The following GALM variants were observed in gnomAD, a reference collection of about 807,000 sequenced individuals.
GALM encodes aldose 1-epimerase.
Under a neutral mutation model 37.4 loss-of-function variants are expected in GALM, and 43 were observed. The ratio of observed to expected loss-of-function variants is 1.15; its 90% confidence interval spans 0.90 to 1.48. The LOEUF is 1.48. Ranked by LOEUF, GALM falls within the 40% of genes most tolerant of loss-of-function variation. The pLI, the probability that GALM is intolerant of heterozygous loss-of-function variation, is 0.00. For missense variants in GALM, 456 were observed against 419.1 expected (o/e 1.09, Z -0.77); for synonymous variants, 199 against 170.6 (o/e 1.17, Z -1.30).
rs117574663 is a variant in GALM at position 38,722,204 on chromosome 2, T to C, written c.635-7352T>C. On this transcript the variant is annotated intron_variant, in intron 4 of 6. Transcript: ENST00000272252. ...GTGAAACCCTGTCTCTACTAAGAAG[T>C]CCGTCATGAGAATCACCCCTTTGCA... 4.7e-3 allele frequency among the ~76,000 whole-genome samples: 707 copies of C among 151,978 alleles called. 24 individuals are homozygous for C. In the East Asian group the frequency reaches 0.065, roughly 14 times the overall value.
At chr2:38,693,817 C>T (rs1665738955) in intron 4 of GALM, among the ~76,000 whole-genome samples, 1 of 152,154 alleles carries the variant, frequency 6.6e-6, no homozygotes, top group African/African-American at 2.4e-5. Context: ...GGATTCACAC[C>T]AAGGTAGTCT....
rs35932426 is a variant in GALM at position 38,730,920 on chromosome 2, C to CAAA, written c.777-804_777-802dup. Among the ~76,000 whole-genome samples, 66 of 124,542 alleles carry CAAA rather than the reference C, an allele frequency of 5.3e-4. 1 individual carries two copies. Among genetic ancestry groups the CAAA allele is most frequent in the Admixed American group, 1.4e-3 (17 of 11,948 alleles). The allele number at this position is 124,542 out of a possible 152,430, so 81.7% of individuals were successfully genotyped here. A position where few individuals can be genotyped will look rare whatever the true frequency, so the allele number is the denominator to read the frequency against. Reference sequence around the variant, plus strand: ...TAGGCAACAGAGCAAAACTCCATCTCAAAAAAAAAAAAAGAATCTCAGGCC... The same window carrying CAAA: ...TAGGCAACAGAGCAAAACTCCATCTCAAAAAAAAAAAAAAAAGAATCTCAGGCC... On this transcript the variant is annotated intron_variant, in intron 5 of 6. Transcript: ENST00000272252.
At chr2:38,693,488 A>T (rs1665731125) in intron 4 of GALM, among the ~76,000 whole-genome samples, 1 of 151,812 alleles carries the variant, frequency 6.6e-6, no homozygotes, top group South Asian at 2.1e-4. Context: ...GCTTCCAAAA[A>T]AAAAAAAAAA....
chr2:38,729,447 A>C (rs986554780), intron 4 of GALM, 109 bp from the exon 5 acceptor site: 8 of 895,376 alleles, frequency 8.9e-6, no homozygotes. Context: ...TCTCCTTAAC[A>C]AATTAAAATG....
intron 1 of GALM, among the ~76,000 whole-genome samples, chr2:38,672,705 C>T (rs957431746): frequency 1.3e-5 from 2 of 152,066 alleles, no homozygotes; most frequent in Non-Finnish European, 2.9e-5. Flanking sequence ...ATCATAGAAA[C>T]GTTCTGAGTA....
At chr2:38,730,052 G>A (rs1169923237) in intron 5 of GALM, among the ~76,000 whole-genome samples, 1 of 152,138 alleles carries the variant, frequency 6.6e-6, no homozygotes, top group Non-Finnish European at 1.5e-5. Flanking sequence ...ACTTATGCCT[G>A]CCTACTCCAT....
intron 4 of GALM, among the ~76,000 whole-genome samples, chr2:38,726,154 T>G (rs565897416): frequency 6.6e-6 from 1 of 152,148 alleles, no homozygotes; most frequent in Admixed American, 6.6e-5. Context: ...GTTTAGAGGA[T>G]GTAAAGCAAC....
rs1195551030 is a variant in GALM at position 38,733,743 on chromosome 2, G to C, written c.*178G>C. On this transcript the variant is annotated 3_prime_UTR_variant, in exon 7 of 7. Transcript: ENST00000272252. ...TTCCTTTTCCAGTGACTGGCTCCAG[G>C]CCATGTCTAATGACCAGCTCGATTC... 1.6e-6 allele frequency: 1 copy of C among 610,016 alleles called. No homozygotes were observed. The highest frequency in any genetic ancestry group is 3.0e-6 in the Non-Finnish European group (1 of 333,194). 37.8% of individuals were successfully genotyped at this position (610,016 alleles called of 1,614,324 possible).
At chr2:38,699,419 G>A (rs971128512) in intron 4 of GALM, among the ~76,000 whole-genome samples, 13 of 152,144 alleles carry the variant, frequency 8.5e-5, no homozygotes, top group African/African-American at 3.1e-4. Flanking sequence ...TGCTGTTCTA[G>A]CTATTTGAAA....
chr2:38,711,786 C>T (rs1394067837), intron 4 of GALM, among the ~76,000 whole-genome samples: 5 of 148,610 alleles, frequency 3.4e-5, no homozygotes, highest in Admixed American at 1.4e-4. Context: ...TCACTGTCAC[C>T]ACCATCACCA....
chr2:38,728,835 A>G (rs6756847), intron 4 of GALM, among the ~76,000 whole-genome samples: 84,563 of 151,842 alleles, frequency 0.56, 22,396 homozygotes, highest in East Asian at 0.8. Flanking sequence ...TGTACTTGGT[A>G]CAAGGTTCTA....
intron 3 of GALM, among the ~76,000 whole-genome samples, chr2:38,685,411 GT>G (rs1423008557): frequency 1.3e-5 from 2 of 152,216 alleles, no homozygotes; most frequent in Non-Finnish European, 2.9e-5. Flanking sequence ...CCTGCTAGAG[GT>G]GATGAGAGCT....
chr2:38,677,343 C>T (rs1010472483), intron 2 of GALM, among the ~76,000 whole-genome samples: 1 of 152,124 alleles, frequency 6.6e-6, no homozygotes, highest in Non-Finnish European at 1.5e-5. Flanking sequence ...CTGCCTCTAA[C>T]CACCACTTGT....
intron 3 of GALM, among the ~76,000 whole-genome samples, chr2:38,689,189 A>G (rs1267403897): frequency 1.3e-5 from 2 of 152,248 alleles, no homozygotes; most frequent in Non-Finnish European, 2.9e-5. Context: ...GGGACCACTC[A>G]GGAAGAGCTG....
At position 38,675,563 on chromosome 2, in the gene GALM, G is replaced by T. The variant is rs1365981835; in HGVS notation, c.191-349G>T. ...TTTTTTTGTGTGTGTGTGTGTGTGTGTGTGTGTGTGTGTGTGTGTGTGTGT... is the reference window on the plus strand; with the variant it reads ...TTTTTTTGTGTGTGTGTGTGTGTGTTTGTGTGTGTGTGTGTGTGTGTGTGT... On this transcript the variant is annotated intron_variant, in intron 1 of 6. Transcript: ENST00000272252. Among the ~76,000 whole-genome samples the T allele has an allele frequency of 4.9e-3, 595 of 121,258 alleles. 39 individuals are homozygous for T. Among genetic ancestry groups the T allele is most frequent in the African/African-American group, 0.019 (495 of 25,852 alleles). The allele number at this position is 121,258 out of a possible 152,430, so 79.5% of individuals were successfully genotyped here. A position where few individuals can be genotyped will look rare whatever the true frequency, so the allele number is the denominator to read the frequency against.
chr2:38,683,260 C>T (rs4670885), intron 3 of GALM, among the ~76,000 whole-genome samples: 5 of 152,054 alleles, frequency 3.3e-5, no homozygotes, highest in African/African-American at 1.2e-4. Context: ...CTTGGAGTGA[C>T]GGGTATTTCT....
intron 4 of GALM, among the ~76,000 whole-genome samples, chr2:38,705,172 C>A (rs1046587479): frequency 3.9e-5 from 6 of 152,180 alleles, no homozygotes; most frequent in Non-Finnish European, 7.3e-5. Context: ...CACATCTACC[C>A]TTCCTCCAGC....
intron 4 of GALM, among the ~76,000 whole-genome samples, chr2:38,713,166 C>T (rs190334691): frequency 7.2e-5 from 11 of 152,260 alleles, no homozygotes; most frequent in African/African-American, 2.6e-4. Flanking sequence ...CCATTGTCAC[C>T]GGAGCCTACC....
intron 1 of GALM, among the ~76,000 whole-genome samples, chr2:38,670,073 G>T (rs971006008): frequency 2.0e-5 from 3 of 151,686 alleles, no homozygotes; most frequent in African/African-American, 7.3e-5. Flanking sequence ...ATATTGGTCA[G>T]GGCTGGTCTC....
Sources: allele counts gnomAD v4.1 joint callset (sites outside exome capture counted in the v4.1 genomes callset), GRCh38; gene constraint gnomAD v4.1.1; transcripts MANE v1.5; gene names NCBI Gene and HGNC (gene_info 2026-07-23, HGNC 2026-07-21).